Variants in ATXN1 observed in about 807,000 individuals in gnomAD.
ATXN1 encodes ataxin-1.
ATXN1 carries 8 observed loss-of-function variants against 56.4 expected under a neutral mutation model. The observed-to-expected ratio is 0.14, with a 90% confidence interval of 0.08 to 0.26. ATXN1 has a LOEUF of 0.26. ATXN1 is among the 10% of genes least tolerant of loss of function. The pLI, the probability that ATXN1 is intolerant of heterozygous loss-of-function variation, is 1.00. For missense variants in ATXN1, 987 were observed against 1,106.5 expected (o/e 0.89, Z 1.53); for synonymous variants, 514 against 494.6 (o/e 1.04, Z -0.52).
intron 2 of ATXN1, among the ~76,000 whole-genome samples, chr6:16,730,969 A>G (rs6459484): frequency 0.1 from 15,243 of 152,180 alleles, 972 homozygotes; most frequent in East Asian, 0.19. Context: ...AGTAGCTCAT[A>G]TTGACAAGAT....
chr6:16,580,519 A>C (rs531921159), intron 4 of ATXN1, among the ~76,000 whole-genome samples: 36 of 152,228 alleles, frequency 2.4e-4, no homozygotes, highest in Non-Finnish European at 5.0e-4. Flanking sequence ...AGCAATAAGA[A>C]AGACAAAATT....
At chr6:16,758,542 G>C (rs1480603166) in intron 1 of ATXN1, among the ~76,000 whole-genome samples, 1 of 152,216 alleles carries the variant, frequency 6.6e-6, no homozygotes, top group African/African-American at 2.4e-5. Flanking sequence ...CCATCCAAAT[G>C]ACTGAAAGAA....
rs1440918448 is a variant in ATXN1 at position 16,328,997 on chromosome 6, G to A, written c.-160-527C>T. 6.6e-6 allele frequency among the ~76,000 whole-genome samples: 1 copy of A among 152,012 alleles called. No individual in the cohort carries two copies. Among genetic ancestry groups the A allele is most frequent in the Non-Finnish European group, 1.5e-5 (1 of 68,016 alleles). On this transcript the variant is annotated intron_variant, in intron 6 of 7. Transcript: ENST00000436367. This position sits in a 1 kb window ranked among gnomAD's most constrained non-coding sequence, Gnocchi z 6.2. ...GTGGCAGCTGCACATTATAAAGGAA[G>A]ATTATGAAGACACTGGGCAAGTGAA... is the stretch of plus-strand genomic sequence containing the variant.
chr6:16,460,599 T>C (rs1406576083), intron 6 of ATXN1, among the ~76,000 whole-genome samples: 1 of 152,186 alleles, frequency 6.6e-6, no homozygotes, highest in Admixed American at 6.5e-5. Context: ...TGTGCAGCCC[T>C]CAACCCTGCT....
chr6:16,326,444 T>G lies in ATXN1; in HGVS notation c.1867A>C (p.Ser623Arg), dbSNP rs1350774255. ...AACTGTATCACGGCCACGCCCGGGC[T>G]ATGGCTGTCTTCAATCCTCTCTACG... ...STVERIEDSHSPGVAVIQFAV... is the reference protein window; with the variant it reads ...STVERIEDSHRPGVAVIQFAV... The change falls in exon 7 of 8, where the codon AGC (serine) becomes CGC (arginine). Residue 623 changes from serine (S) to arginine (R), a missense_variant. Ser to Arg is a moderately radical substitution (Grantham distance 110, BLOSUM62 -1). This residue lies in a region of ATXN1 where 68 missense variants were observed against 118.1 expected (regional missense o/e 0.58). Coordinates refer to ENST00000436367, the MANE Select transcript of ATXN1 (RefSeq NM_001128164.2). This position sits in a 1 kb window ranked among gnomAD's most constrained non-coding sequence, Gnocchi z 6.6. 1.9e-6 allele frequency: 3 copies of G among 1,614,020 alleles called. No homozygotes were observed. The Admixed American group carries it at 5.0e-5, about 27-fold the overall frequency.
In ATXN1 at chr6:16,305,094, A is replaced by G. The variant is rs1230267270; in HGVS notation, c.*1235T>C. The G allele has an allele frequency of 1.3e-5, 2 of 152,698 alleles. No homozygotes were observed. The highest frequency in any genetic ancestry group is 2.9e-5 in the Non-Finnish European group (2 of 68,050). The allele number at this position is 152,698 out of a possible 1,614,324, so 9.5% of individuals were successfully genotyped here. Reference sequence around the variant, plus strand: ...TGTAGTTACAGTGTTGAAAAAAAGAAAGCAACTTAGTTTTTTTTGTTTTTG... The same window carrying G: ...TGTAGTTACAGTGTTGAAAAAAAGAGAGCAACTTAGTTTTTTTTGTTTTTG... On this transcript the variant is annotated 3_prime_UTR_variant, in exon 8 of 8. Transcript: ENST00000436367.
intron 2 of ATXN1, among the ~76,000 whole-genome samples, chr6:16,675,405 ACATACTCATTAGGGAATCTTCT>A: frequency 6.6e-6 from 1 of 152,300 alleles, no homozygotes; most frequent in South Asian, 2.1e-4. Context: ...GAATCACACA[ACATACTCATTAGGGAATCTTCT>A]CCCTTTCCCC....
intron 3 of ATXN1, among the ~76,000 whole-genome samples, chr6:16,618,877 A>C (rs1480519004): frequency 6.6e-6 from 1 of 152,226 alleles, no homozygotes; most frequent in African/African-American, 2.4e-5. Context: ...TGGGAAAAAT[A>C]TTTCCAATAC....
At chr6:16,611,930 G>T (rs1763115490) in intron 3 of ATXN1, among the ~76,000 whole-genome samples, 1 of 135,546 alleles carries the variant, frequency 7.4e-6, no homozygotes, top group South Asian at 2.4e-4. Context: ...CTCCATCTCG[G>T]CTCACTGCAA....
intron 6 of ATXN1, among the ~76,000 whole-genome samples, chr6:16,330,934 A>G (rs1487551777): frequency 6.6e-6 from 1 of 152,170 alleles, no homozygotes; most frequent in African/African-American, 2.4e-5. Flanking sequence ...GGTTAAAAAA[A>G]CCCTAAAACA....
intron 6 of ATXN1, among the ~76,000 whole-genome samples, chr6:16,467,171 C>G (rs1760125120): frequency 6.6e-6 from 1 of 152,204 alleles, no homozygotes; most frequent in Non-Finnish European, 1.5e-5. Flanking sequence ...CCACACATCC[C>G]CAGCACTTGT....
chr6:16,594,733 G>A (rs1315779818), intron 3 of ATXN1, among the ~76,000 whole-genome samples: 4 of 152,076 alleles, frequency 2.6e-5, no homozygotes, highest in South Asian at 2.1e-4. Context: ...CGCCTGCCTC[G>A]GCCTCCCAAA....
chr6:16,639,417 G>C (rs916388639), intron 3 of ATXN1, among the ~76,000 whole-genome samples: 2 of 152,126 alleles, frequency 1.3e-5, no homozygotes, highest in Admixed American at 1.3e-4. Flanking sequence ...AGGTTCAAGC[G>C]ATTCTCCTGC....
intron 2 of ATXN1, among the ~76,000 whole-genome samples, chr6:16,742,539 G>A (rs1388459508): frequency 1.3e-5 from 2 of 152,120 alleles, no homozygotes; most frequent in Admixed American, 1.3e-4. Context: ...GTTTCCAATG[G>A]GAGGCATTTC....
chr6:16,376,513 T>C (rs1302396990), intron 6 of ATXN1, among the ~76,000 whole-genome samples: 1 of 152,178 alleles, frequency 6.6e-6, no homozygotes, highest in Non-Finnish European at 1.5e-5. Flanking sequence ...ATTGCAATGA[T>C]ATGAAGGAAA....
intron 6 of ATXN1, among the ~76,000 whole-genome samples, chr6:16,418,126 A>C (rs996838432): frequency 6.6e-6 from 1 of 152,236 alleles, no homozygotes; most frequent in Non-Finnish European, 1.5e-5. Context: ...AGCTACGAAA[A>C]GATATTTGGC....
intron 6 of ATXN1, among the ~76,000 whole-genome samples, chr6:16,441,742 A>G (rs562279095): frequency 1.3e-5 from 2 of 152,316 alleles, no homozygotes; most frequent in South Asian, 4.1e-4. Flanking sequence ...TGAAGACCAA[A>G]TAAGAAGGAA....
chr6:16,322,364 C>T (rs977277974), intron 7 of ATXN1, among the ~76,000 whole-genome samples: 33 of 152,284 alleles, frequency 2.2e-4, no homozygotes, highest in African/African-American at 7.0e-4. Context: ...CTGGGTCTGT[C>T]ACCACCATAC....
At chr6:16,733,567 GA>G (rs538567053) in intron 2 of ATXN1, among the ~76,000 whole-genome samples, 2 of 144,616 alleles carry the variant, frequency 1.4e-5, no homozygotes, top group Non-Finnish European at 1.5e-5. Flanking sequence ...TGACCTCTTG[GA>G]AAAAAAAAAG....
Sources: gnomAD v4.1 joint callset for allele counts (sites outside exome capture counted in the v4.1 genomes callset) on GRCh38, gnomAD v4.1.1 for gene constraint, gnomAD v4.1.1 regional missense constraint, Gnocchi (gnomAD v3.1) non-coding constraint, MANE v1.5 for transcripts, NCBI Gene and HGNC (gene_info 2026-07-23, HGNC 2026-07-21) for gene names.